HUNK: variants seen among roughly 807,000 people sequenced by gnomAD.
HUNK encodes hormonally up-regulated neu tumor-associated kinase.
Under a neutral mutation model 61.0 loss-of-function variants are expected in HUNK, and 21 were observed. That is an observed-to-expected ratio of 0.34 (90% CI 0.24 to 0.50). HUNK has a LOEUF of 0.50. HUNK is among the 20% of genes least tolerant of loss of function. The pLI is 0.98. For missense variants in HUNK, 772 were observed against 945.7 expected, an observed-to-expected ratio of 0.82 and a Z score of 2.41; for synonymous variants, 371 against 386.1, an observed-to-expected ratio of 0.96 and a Z score of 0.46.
chr21:31,972,616 C>G (rs527348777), intron 6 of HUNK, among the ~76,000 whole-genome samples: 1 of 152,180 alleles, frequency 6.6e-6, no homozygotes, highest in African/African-American at 2.4e-5. Flanking sequence ...CCAGGTATTT[C>G]CAAACCACTG....
intron 4 of HUNK, among the ~76,000 whole-genome samples, chr21:31,953,315 A>G (rs184342709): frequency 1.6e-3 from 238 of 151,132 alleles, no homozygotes; most frequent in South Asian, 2.5e-3. Flanking sequence ...GCTTACCACA[A>G]CCTCCAACTC....
intron 8 of HUNK, among the ~76,000 whole-genome samples, chr21:31,987,882 G>A (rs2077281970): frequency 6.6e-6 from 1 of 152,196 alleles, no homozygotes; most frequent in Admixed American, 6.5e-5. Flanking sequence ...GGAGCTGGAT[G>A]GGGAGAGGGA....
intron 9 of HUNK, among the ~76,000 whole-genome samples, chr21:31,992,025 A>G (rs543879363): frequency 1.3e-5 from 2 of 152,374 alleles, no homozygotes; most frequent in South Asian, 4.1e-4. Flanking sequence ...GAATTGCCCA[A>G]GGTTACCCAA....
rs987113909 is a variant in HUNK, at chr21:31,958,853, A to C, written c.757A>C (p.Met253Leu). Residue 253 changes from methionine (M) to leucine (L), a missense_variant, in exon 5 of 11, where the codon ATG becomes CTG. Around this residue, in one of 2 missense-constraint regions of HUNK, gnomAD observed 359 missense variants for 501.3 expected, o/e 0.72. Coordinates refer to ENST00000270112, the MANE Select transcript of HUNK (RefSeq NM_014586.2). The part of the protein sequence containing the change: ...KIDVWSIGVN[M>L]YAMLTGTLPF... ...TGTCTCTCTTTTCAGAGGTGTGAAC[A>C]TGTATGCCATGTTGACCGGGACGCT... 1 of 1,599,944 alleles carries C rather than the reference A, an allele frequency of 6.3e-7. No homozygotes were observed. The highest frequency in any genetic ancestry group is 1.3e-5 in the African/African-American group (1 of 74,446).
At chr21:31,886,898 C>T (rs2052350588) in intron 1 of HUNK, among the ~76,000 whole-genome samples, 1 of 152,194 alleles carries the variant, frequency 6.6e-6, no homozygotes, top group Non-Finnish European at 1.5e-5. Context: ...GCCTTGGCCT[C>T]CCAAAGTGCT....
intron 4 of HUNK, among the ~76,000 whole-genome samples, chr21:31,954,838 G>A (rs1401172435): frequency 6.6e-6 from 1 of 152,086 alleles, no homozygotes; most frequent in African/African-American, 2.4e-5. Flanking sequence ...CTGGAGTGCA[G>A]TGGCACACTT....
chr21:31,875,035 TG>T (rs1362707724), intron 1 of HUNK, among the ~76,000 whole-genome samples: 1 of 152,128 alleles, frequency 6.6e-6, no homozygotes, highest in Non-Finnish European at 1.5e-5. Context: ...GCCCCCAGGC[TG>T]GGGGTGGCTC....
rs921319367 is a variant in HUNK at position 31,999,363 on chromosome 21, C to T, written c.*179C>T. The T allele has an allele frequency of 3.3e-5, 19 of 578,730 alleles. No homozygotes were observed. The highest frequency in any genetic ancestry group is 5.7e-5 in the Non-Finnish European group (19 of 335,224). 35.8% of individuals were successfully genotyped at this position (578,730 alleles called of 1,614,324 possible). A position where few individuals can be genotyped will look rare whatever the true frequency, so the allele number is the denominator to read the frequency against. On this transcript the variant is annotated 3_prime_UTR_variant, in exon 11 of 11. Coordinates refer to ENST00000270112, the MANE Select transcript of HUNK (RefSeq NM_014586.2). ...CCTCGCTTAGGGACCCCCAGAGATG[C>T]TGGAATCGCTAGGAGGGTTGGCTCC... is the stretch of plus-strand genomic sequence containing the variant.
At chr21:31,876,956 T>G (rs1236755212) in intron 1 of HUNK, among the ~76,000 whole-genome samples, 1 of 152,154 alleles carries the variant, frequency 6.6e-6, no homozygotes, top group East Asian at 1.9e-4. Context: ...CCCATCCTTT[T>G]ATAAAGGATC....
chr21:31,979,796 TAA>T (rs1568940358), intron 7 of HUNK, among the ~76,000 whole-genome samples: 1 of 152,124 alleles, frequency 6.6e-6, no homozygotes. Context: ...ATTACAGGCA[TAA>T]GCCACCACGC....
intron 1 of HUNK, among the ~76,000 whole-genome samples, chr21:31,907,653 A>G (rs1217409416): frequency 6.6e-6 from 1 of 152,196 alleles, no homozygotes; most frequent in African/African-American, 2.4e-5. Flanking sequence ...AGGAGTCACA[A>G]CCACGTGAAC....
chr21:31,932,001 G>A (rs1053011977), intron 2 of HUNK, among the ~76,000 whole-genome samples: 12 of 149,796 alleles, frequency 8.0e-5, no homozygotes, highest in Non-Finnish European at 1.5e-5. Context: ...TATGCAACAC[G>A]TATGTGCAAA....
intron 1 of HUNK, among the ~76,000 whole-genome samples, chr21:31,914,708 G>A (rs2052570166): frequency 6.6e-6 from 1 of 151,978 alleles, no homozygotes; most frequent in African/African-American, 2.4e-5. Context: ...CCTTCTCTCT[G>A]TGTCCTCACA....
intron 2 of HUNK, among the ~76,000 whole-genome samples, chr21:31,929,710 A>G (rs2052684223): frequency 6.6e-6 from 1 of 152,244 alleles, no homozygotes; most frequent in Admixed American, 6.5e-5. Flanking sequence ...AAAGAGACAC[A>G]TGATCAAAGG....
rs146749868 is a variant in HUNK, at chr21:31,997,141, T to C, written c.1486+1193T>C. On this transcript the variant is annotated intron_variant, in intron 10 of 10. Coordinates refer to ENST00000270112, the MANE Select transcript of HUNK (RefSeq NM_014586.2). Reference sequence around the variant, plus strand: ...CCTGCAGCTGGGCCTCCACAGAGCCTATAAAACGTTATGGGAGAAGAAAGA... The same window carrying C: ...CCTGCAGCTGGGCCTCCACAGAGCCCATAAAACGTTATGGGAGAAGAAAGA... Among the ~76,000 whole-genome samples, 286 of 152,360 alleles carry C rather than the reference T, an allele frequency of 1.9e-3. 2 individuals are homozygous for C. Among genetic ancestry groups the C allele is most frequent in the African/African-American group, 6.4e-3 (268 of 41,590 alleles).
At chr21:31,993,904 C>G (rs1314404230) in intron 9 of HUNK, among the ~76,000 whole-genome samples, 1 of 152,128 alleles carries the variant, frequency 6.6e-6, no homozygotes, top group African/African-American at 2.4e-5. Context: ...GTGGCATGCT[C>G]CTGCCTCTGG....
chr21:31,904,378 C>A (rs1369580445), intron 1 of HUNK, among the ~76,000 whole-genome samples: 1 of 152,050 alleles, frequency 6.6e-6, no homozygotes, highest in African/African-American at 2.4e-5. Flanking sequence ...AAATGAAAAT[C>A]CAAGGTGACT....
chr21:31,920,340 A>G (rs749317364), intron 1 of HUNK, among the ~76,000 whole-genome samples: 2 of 152,252 alleles, frequency 1.3e-5, no homozygotes, highest in African/African-American at 2.4e-5. Flanking sequence ...TTAGGCCATT[A>G]TTCAACCTGG....
chr21:31,912,245 G>A (rs73900713), intron 1 of HUNK, among the ~76,000 whole-genome samples: 3,792 of 152,172 alleles, frequency 0.025, 177 homozygotes, highest in African/African-American at 0.086. Flanking sequence ...CACTGGACAC[G>A]CCAGGTTCAG....
Sources: allele counts gnomAD v4.1 joint callset (sites outside exome capture counted in the v4.1 genomes callset), GRCh38; gene constraint gnomAD v4.1.1; regional missense constraint gnomAD v4.1.1; transcripts MANE v1.5; gene names NCBI Gene and HGNC (gene_info 2026-07-23, HGNC 2026-07-21).